GRID2: variants seen among roughly 807,000 people sequenced by gnomAD.
GRID2 encodes the protein glutamate ionotropic receptor delta type subunit 2, also known as glutamate receptor ionotropic, delta-2.
Under a neutral mutation model 114.8 loss-of-function variants are expected in GRID2, and 33 were observed. That is an observed-to-expected ratio of 0.29 (90% CI 0.22 to 0.38). The LOEUF (loss-of-function observed/expected upper bound fraction) is 0.38, where lower values mean the gene tolerates loss of function less well. Ranked by LOEUF, GRID2 falls within the 10% of genes least tolerant of loss-of-function variation. The pLI is 1.00. For missense variants in GRID2, 1,184 were observed against 1,257.7 expected, an observed-to-expected ratio of 0.94 and a Z score of 0.89; for synonymous variants, 505 against 449.9, an observed-to-expected ratio of 1.12 and a Z score of -1.55.
chr4:92,661,318 A>T (rs1485252537), intron 2 of GRID2, among the ~76,000 whole-genome samples: 1 of 150,988 alleles, frequency 6.6e-6, no homozygotes, highest in Non-Finnish European at 1.5e-5. Context: ...AGTATCAAAA[A>T]ATCTAACATC....
chr4:93,310,433 A>G (rs1399824914), intron 8 of GRID2, among the ~76,000 whole-genome samples: 1 of 152,178 alleles, frequency 6.6e-6, no homozygotes, highest in African/African-American at 2.4e-5. Flanking sequence ...TGGGAGGCTG[A>G]GGCAGGAGAA....
At chr4:92,488,934 A>G (rs1351865014) in intron 1 of GRID2, among the ~76,000 whole-genome samples, 2 of 152,212 alleles carry the variant, frequency 1.3e-5, no homozygotes, top group Non-Finnish European at 2.9e-5. Flanking sequence ...CGACTACAGT[A>G]GAACAACAGA....
intron 8 of GRID2, among the ~76,000 whole-genome samples, chr4:93,316,335 A>AGAAAGAAAGAAG (rs1756642747): frequency 2.1e-5 from 1 of 48,370 alleles, no homozygotes; most frequent in Non-Finnish European, 4.1e-5. Context: ...AAAGAAAGAA[A>AGAAAGAAAGAAG]GAAAGAAGGA....
chr4:93,168,602 A>G (rs1738487929), intron 4 of GRID2, among the ~76,000 whole-genome samples: 1 of 152,146 alleles, frequency 6.6e-6, no homozygotes, highest in East Asian at 1.9e-4. Context: ...TTTAAAATTT[A>G]AACATGGGCA....
chr4:93,702,376 TTG>T (rs1727589121), intron 14 of GRID2, among the ~76,000 whole-genome samples: 1 of 152,138 alleles, frequency 6.6e-6, no homozygotes, highest in Non-Finnish European at 1.5e-5. Flanking sequence ...TCTCTAAACA[TTG>T]TGTTTTTGAA....
chr4:93,215,252 A>T (rs1744062041), intron 5 of GRID2, among the ~76,000 whole-genome samples: 1 of 152,058 alleles, frequency 6.6e-6, no homozygotes, highest in Admixed American at 6.6e-5. Context: ...TACATAAAAC[A>T]ACTTAGTTAA....
At chr4:93,125,480 CATA>C (rs1282209000) in intron 4 of GRID2, among the ~76,000 whole-genome samples, 2 of 152,066 alleles carry the variant, frequency 1.3e-5, no homozygotes, top group Non-Finnish European at 2.9e-5. Flanking sequence ...CTAGTTGAAA[CATA>C]ATAAGTTGTT....
intron 2 of GRID2, among the ~76,000 whole-genome samples, chr4:92,683,110 T>C (rs566515147): frequency 1.0e-3 from 153 of 152,180 alleles, no homozygotes; most frequent in Non-Finnish European, 2.0e-3. Context: ...CCATCCTGGC[T>C]AACACGGTGA....
At chr4:92,600,044 G>GTGTGTATATATA (rs1206780169) in intron 2 of GRID2, among the ~76,000 whole-genome samples, 13 of 54,452 alleles carry the variant, frequency 2.4e-4, no homozygotes, top group Non-Finnish European at 3.1e-4. Flanking sequence ...GTGTGTGTGT[G>GTGTGTATATATA]TATATATATA....
At chr4:92,484,599 T>C (rs1214570518) in intron 1 of GRID2, among the ~76,000 whole-genome samples, 1 of 152,032 alleles carries the variant, frequency 6.6e-6, no homozygotes, top group Admixed American at 6.6e-5. Flanking sequence ...TTATATAATA[T>C]TTTATATAAT....
chr4:93,619,838 G>A (rs1742049960), intron 13 of GRID2, among the ~76,000 whole-genome samples: 1 of 152,120 alleles, frequency 6.6e-6, no homozygotes, highest in Admixed American at 6.5e-5. Flanking sequence ...TGTGGCCCTT[G>A]CCGTAAACTA....
At chr4:92,382,639 G>A (rs1197262777) in intron 1 of GRID2, among the ~76,000 whole-genome samples, 1 of 151,888 alleles carries the variant, frequency 6.6e-6, no homozygotes, top group Non-Finnish European at 1.5e-5. Flanking sequence ...TATTTGTGAG[G>A]AATTGGAATA....
chr4:92,823,503 G>C (rs1350418794), intron 2 of GRID2, among the ~76,000 whole-genome samples: 2 of 152,078 alleles, frequency 1.3e-5, no homozygotes, highest in East Asian at 3.9e-4. Flanking sequence ...AGATAGAAAG[G>C]TTGGAACCTG....
At chr4:93,204,892 A>G (rs1424711812) in intron 4 of GRID2, among the ~76,000 whole-genome samples, 1 of 152,164 alleles carries the variant, frequency 6.6e-6, no homozygotes, top group Non-Finnish European at 1.5e-5. Context: ...GCTAAATAGA[A>G]TCACTGTACT....
rs879015016 is a variant in GRID2 at position 92,304,574 on chromosome 4, C to A, written c.-83C>A. ...AAGAAAAAGCTGCGCTAAACTCCAC[C>A]GTGACCTCAAACTCTTTGGACTGTT... On this transcript the variant is annotated 5_prime_UTR_variant, in exon 1 of 16. Transcript: ENST00000282020. The A allele has an allele frequency of 3.4e-6, 3 of 875,078 alleles. No homozygotes were observed. Among genetic ancestry groups the A allele is most frequent in the African/African-American group, 3.3e-5 (2 of 59,728 alleles). 54.2% of individuals were successfully genotyped at this position (875,078 alleles called of 1,614,324 possible).
intron 2 of GRID2, among the ~76,000 whole-genome samples, chr4:92,630,492 A>G (rs1011709384): frequency 2.0e-5 from 3 of 152,138 alleles, no homozygotes; most frequent in Non-Finnish European, 4.4e-5. Flanking sequence ...CCTTTGCTAC[A>G]TATGAAAGCT....
intron 2 of GRID2, among the ~76,000 whole-genome samples, chr4:93,008,213 C>A (rs1375938797): frequency 6.6e-6 from 1 of 151,598 alleles, no homozygotes; most frequent in Non-Finnish European, 1.5e-5. Flanking sequence ...TCTAAAGTGG[C>A]GTAAAAAATG....
At chr4:93,117,330 TCTTA>T (rs1202866359) in intron 4 of GRID2, among the ~76,000 whole-genome samples, 1 of 152,102 alleles carries the variant, frequency 6.6e-6, no homozygotes, top group African/African-American at 2.4e-5. Flanking sequence ...ATCCTATGCT[TCTTA>T]CTTTTTTTTT....
chr4:92,334,096 C>G (rs1381296986), intron 1 of GRID2, among the ~76,000 whole-genome samples: 1 of 152,164 alleles, frequency 6.6e-6, no homozygotes, highest in Non-Finnish European at 1.5e-5. Flanking sequence ...GGCCTGGACA[C>G]AATTCCTCCA....
Sources: gnomAD v4.1 joint callset for allele counts (sites outside exome capture counted in the v4.1 genomes callset) on GRCh38, gnomAD v4.1.1 for gene constraint, MANE v1.5 for transcripts, NCBI Gene and HGNC (gene_info 2026-07-23, HGNC 2026-07-21) for gene names.